The following COLEC12 variants were observed in gnomAD, a reference collection of about 807,000 sequenced individuals.
COLEC12 encodes the protein collectin subfamily member 12.
A neutral mutation model predicts 71.1 loss-of-function variants in COLEC12; 33 were observed. The observed-to-expected ratio is 0.46, with a 90% CI of 0.35 to 0.62. The LOEUF (loss-of-function observed/expected upper bound fraction) is 0.62, where lower values mean the gene tolerates loss of function less well. COLEC12 is among the 20% of genes least tolerant of loss of function. The pLI is 0.00. For synonymous variants in COLEC12, 350 were observed against 353.0 expected, an observed-to-expected ratio of 0.99 and a Z score of 0.10; for missense variants, 765 against 916.1, an observed-to-expected ratio of 0.84 and a Z score of 2.13.
At chr18:410,685 A>T (rs2143634924) in intron 2 of COLEC12, among the ~76,000 whole-genome samples, 1 of 152,194 alleles carries the variant, frequency 6.6e-6, no homozygotes, top group African/African-American at 2.4e-5. Context: ...TTGGCCTCCC[A>T]AAGTGCTGGG....
intron 2 of COLEC12, among the ~76,000 whole-genome samples, chr18:436,246 C>A (rs2143684441): frequency 6.6e-6 from 1 of 152,290 alleles, no homozygotes; most frequent in South Asian, 2.1e-4. Context: ...CGCAGTGGCT[C>A]ACGCCTGTAA....
intron 8 of COLEC12, among the ~76,000 whole-genome samples, chr18:329,023 G>C (rs1913909665): frequency 6.6e-6 from 1 of 152,202 alleles, no homozygotes; most frequent in Non-Finnish European, 1.5e-5. Context: ...AGCCTGTGTG[G>C]TGGCTGGGGT....
chr18:333,161 G>C lies in COLEC12; in HGVS notation c.1817-18C>G. 6.3e-7 allele frequency: 1 copy of C among 1,577,708 alleles called. No individual in the cohort carries two copies. The highest frequency in any genetic ancestry group is 1.2e-5 in the South Asian group (1 of 84,978). Reference sequence around the variant, plus strand: ...CGGGCAGCCTAGGAATGCAAAAGTGGAAAACATTGATTAAAAGATCACAGA... The same window carrying C: ...CGGGCAGCCTAGGAATGCAAAAGTGCAAAACATTGATTAAAAGATCACAGA... On this transcript the variant is annotated intron_variant, in intron 6 of 9. Coordinates refer to ENST00000400256, the MANE Select transcript of COLEC12 (RefSeq NM_130386.3).
At position 317,743 on chromosome 18, in the gene COLEC12, A is replaced by C. The variant is rs2143387388; in HGVS notation, c.*2302T>G. ...AAAAGAGGACTCAGTGTAGCCTCTA[A>C]AGGCTGTTGAGCCTGAAGAGGTGTT... On this transcript the variant is annotated 3_prime_UTR_variant, in exon 10 of 10. Transcript: ENST00000400256. The C allele has an allele frequency of 1.3e-5, 2 of 152,338 alleles. No homozygotes were observed. 9.4% of individuals were successfully genotyped at this position (152,338 alleles called of 1,614,324 possible).
chr18:353,799 A>C (rs971914951), intron 3 of COLEC12, among the ~76,000 whole-genome samples: 2 of 152,212 alleles, frequency 1.3e-5, no homozygotes, highest in African/African-American at 4.8e-5. Context: ...GGAATTTAAT[A>C]AAGGCATTTC....
intron 2 of COLEC12, among the ~76,000 whole-genome samples, chr18:396,838 TG>T (rs1915582194): frequency 6.6e-6 from 1 of 152,228 alleles, no homozygotes; most frequent in Non-Finnish European, 1.5e-5. Context: ...CACACTTGGA[TG>T]ATTAAATGCA....
chr18:357,405 T>A lies in COLEC12; in HGVS notation c.176A>T (p.Tyr59Phe). 6.3e-7 allele frequency: 1 copy of A among 1,595,844 alleles called. No individual in the cohort carries two copies. The highest frequency in any genetic ancestry group is 8.5e-7 in the Non-Finnish European group (1 of 1,175,014). The change falls in exon 3 of 10, where the codon TAT becomes TTT. Residue 59 changes from tyrosine to phenylalanine, a missense_variant. Coordinates refer to ENST00000400256, the MANE Select transcript of COLEC12 (RefSeq NM_130386.3). ...LLTITVAILGYKVVEKMDNVT... is the reference protein window; with the variant it reads ...LLTITVAILGFKVVEKMDNVT... Reference sequence around the variant, plus strand: ...AAAAAAGAAAGCATGCTTACCTTTATATCCCAAAATGGCTACTGTGATTGT... The same window carrying A: ...AAAAAAGAAAGCATGCTTACCTTTAAATCCCAAAATGGCTACTGTGATTGT...
intron 2 of COLEC12, among the ~76,000 whole-genome samples, chr18:378,509 G>A (rs1229686696): frequency 6.6e-6 from 1 of 152,166 alleles, no homozygotes; most frequent in Non-Finnish European, 1.5e-5. Context: ...CCAACACAGA[G>A]GCCCACAGGG....
At chr18:379,538 G>A (rs1915186341) in intron 2 of COLEC12, among the ~76,000 whole-genome samples, 1 of 152,172 alleles carries the variant, frequency 6.6e-6, no homozygotes, top group African/African-American at 2.4e-5. Context: ...AGGGAAAAAG[G>A]AAGAAGTAAA....
chr18:330,022 G>A (rs1162440621), intron 8 of COLEC12, among the ~76,000 whole-genome samples: 1 of 152,158 alleles, frequency 6.6e-6, no homozygotes, highest in African/African-American at 2.4e-5. Context: ...AGGCTGCAGT[G>A]AGCCATGATC....
chr18:488,236 C>T (rs1917555352), intron 1 of COLEC12, among the ~76,000 whole-genome samples: 2 of 151,534 alleles, frequency 1.3e-5, no homozygotes, highest in Middle Eastern at 3.2e-3. Flanking sequence ...CATGGTGAAA[C>T]CTCGTCTCTA....
chr18:440,634 A>G (rs1916500973), intron 2 of COLEC12, among the ~76,000 whole-genome samples: 1 of 152,214 alleles, frequency 6.6e-6, no homozygotes, highest in Non-Finnish European at 1.5e-5. Flanking sequence ...GGGATGCCAA[A>G]GTCCACAGAT....
At chr18:421,945 G>A (rs1369025488) in intron 2 of COLEC12, among the ~76,000 whole-genome samples, 1 of 152,178 alleles carries the variant, frequency 6.6e-6, no homozygotes, top group East Asian at 1.9e-4. Context: ...TACAGGACAG[G>A]CCTATCCAGT....
At chr18:451,720 C>T (rs1015445730) in intron 2 of COLEC12, among the ~76,000 whole-genome samples, 10 of 151,356 alleles carry the variant, frequency 6.6e-5, no homozygotes. Flanking sequence ...GCACTCCAGC[C>T]TGGACAACAA....
chr18:391,312 G>A (rs1051914804), intron 2 of COLEC12, among the ~76,000 whole-genome samples: 20 of 152,192 alleles, frequency 1.3e-4, no homozygotes, highest in Admixed American at 3.9e-4. Context: ...CTGTGTGTGC[G>A]CAAACAGAGA....
intron 2 of COLEC12, among the ~76,000 whole-genome samples, chr18:386,848 AT>A (rs555451229): frequency 1.2e-3 from 176 of 150,582 alleles, no homozygotes; most frequent in Non-Finnish European, 1.4e-3. Flanking sequence ...TTTGATTTCA[AT>A]TTTTTTTTTC....
At chr18:426,426 T>C (rs191552888) in intron 2 of COLEC12, among the ~76,000 whole-genome samples, 1 of 152,304 alleles carries the variant, frequency 6.6e-6, no homozygotes, top group East Asian at 1.9e-4. Context: ...AAGAGCAATG[T>C]AAGTGATTTT....
chr18:330,411 C>T (rs1007028220), intron 8 of COLEC12, among the ~76,000 whole-genome samples: 1 of 152,090 alleles, frequency 6.6e-6, no homozygotes, highest in Non-Finnish European at 1.5e-5. Context: ...GCTTCCAATG[C>T]GGTGATGCTC....
chr18:424,965 G>A lies in COLEC12; in HGVS notation c.58+55742C>T, dbSNP rs749205328. 9.2e-5 allele frequency among the ~76,000 whole-genome samples: 14 copies of A among 152,090 alleles called. 1 individual carries two copies. The highest frequency in any genetic ancestry group is 3.2e-3 in the Middle Eastern group (1 of 316). Reference sequence around the variant, plus strand: ...GTGGGGGAGAGGAGGCGAGCCGGGCGGCCTTCCCTTACTCACAATAAGCAA... The same window carrying A: ...GTGGGGGAGAGGAGGCGAGCCGGGCAGCCTTCCCTTACTCACAATAAGCAA... On this transcript the variant is annotated intron_variant, in intron 2 of 9. Coordinates refer to ENST00000400256, the MANE Select transcript of COLEC12 (RefSeq NM_130386.3).
Sources: gnomAD v4.1 joint callset for allele counts (sites outside exome capture counted in the v4.1 genomes callset) on GRCh38, gnomAD v4.1.1 for gene constraint, MANE v1.5 for transcripts, NCBI Gene and HGNC (gene_info 2026-07-23, HGNC 2026-07-21) for gene names.